SPATA6: variants seen among roughly 807,000 people sequenced by gnomAD.
The protein encoded by SPATA6 is spermatogenesis associated 6, also known as spermatogenesis-associated protein 6.
In SPATA6, 56 loss-of-function variants were observed where a neutral mutation model predicts 65.3. The observed-to-expected ratio is 0.86, with a 90% CI of 0.69 to 1.07. The LOEUF (loss-of-function observed/expected upper bound fraction) is 1.07, where lower values mean the gene tolerates loss of function less well. SPATA6 is among the 50% of genes least tolerant of loss of function. The pLI is 0.00. For synonymous variants in SPATA6, 199 were observed against 213.2 expected (o/e 0.93, Z 0.58); for missense variants, 590 against 594.8 (o/e 0.99, Z 0.08).
chr1:48,277,557 C>A, the SPATA6 span, among the ~76,000 whole-genome samples: 1 of 152,240 alleles, frequency 6.6e-6, no homozygotes. Context: ...GGTCCTACGC[C>A]CACAGAGTCT....
intron 9 of SPATA6, among the ~76,000 whole-genome samples, chr1:48,372,107 A>T (rs752810492): frequency 2.6e-5 from 4 of 152,040 alleles, no homozygotes; most frequent in Non-Finnish European, 4.4e-5. Context: ...AAAACCAATC[A>T]TGCCTTCCCA....
Position 48,398,237 on chromosome 1 carries a change from A to C in SPATA6, c.780+1114T>G, listed in dbSNP as rs535679466. ...CTTCAATAAAATGTTGCCACTTAAA[A>C]GTATCCATTATACTATAAATTTTCT... On this transcript the variant is annotated intron_variant, in intron 7 of 12. Coordinates refer to ENST00000371847, the MANE Select transcript of SPATA6 (RefSeq NM_019073.4). 8.0e-5 allele frequency among the ~76,000 whole-genome samples: 12 copies of C among 150,654 alleles called. No homozygotes were observed. In the East Asian group the frequency reaches 2.4e-3, roughly 30 times the overall value.
chr1:48,402,214 A>G (rs1038455514), intron 6 of SPATA6, among the ~76,000 whole-genome samples: 2 of 152,218 alleles, frequency 1.3e-5, no homozygotes, highest in African/African-American at 4.8e-5. Flanking sequence ...ATGTTAGTTC[A>G]TAAGTACAAT....
At chr1:48,417,507 A>G (rs1652885501) in intron 3 of SPATA6, among the ~76,000 whole-genome samples, 2 of 152,160 alleles carry the variant, frequency 1.3e-5, no homozygotes, top group South Asian at 4.1e-4. Flanking sequence ...CAAACACAAG[A>G]CTATTTTAAA....
chr1:48,452,902 G>A (rs1656700804), intron 2 of SPATA6, 92 bp downstream of exon 2: 4 of 1,398,290 alleles, frequency 2.9e-6, no homozygotes, highest in Non-Finnish European at 3.8e-6. Flanking sequence ...CACACAGTCA[G>A]CAGTAATAAT....
intron 3 of SPATA6, among the ~76,000 whole-genome samples, chr1:48,423,496 G>C (rs142480660): frequency 5.5e-4 from 82 of 150,122 alleles, no homozygotes; most frequent in African/African-American, 1.8e-3. Context: ...GACTATCCTG[G>C]GGAGAGGTAT....
chr1:48,434,627 G>A (rs1654720176), intron 3 of SPATA6, among the ~76,000 whole-genome samples: 1 of 152,130 alleles, frequency 6.6e-6, no homozygotes, highest in South Asian at 2.1e-4. Context: ...ATACACATCT[G>A]GAGGAAGAGC....
intron 1 of SPATA6, among the ~76,000 whole-genome samples, chr1:48,455,989 C>T (rs752714294): frequency 3.9e-5 from 6 of 152,278 alleles, no homozygotes; most frequent in African/African-American, 1.2e-4. Context: ...CTTAAATCAC[C>T]TTGGCAAGCT....
chr1:48,283,697 A>AAAAAAAGAAAG, the SPATA6 span, among the ~76,000 whole-genome samples: 1 of 12,012 alleles, frequency 8.3e-5, no homozygotes, highest in East Asian at 3.0e-3. Flanking sequence ...AAAAAAAAAA[A>AAAAAAAGAAAG]AAAGAAAGAA....
At chr1:48,325,319 AGGGCACAG>A in intron 11 of SPATA6, 1 of 1,222,208 alleles carries the variant, frequency 8.2e-7, no homozygotes, top group Non-Finnish European at 1.2e-6. Flanking sequence ...CACTGTGTGT[AGGGCACAG>A]GCCCCCGTAG....
chr1:48,421,488 C>T (rs1182871163), intron 3 of SPATA6, among the ~76,000 whole-genome samples: 1 of 151,978 alleles, frequency 6.6e-6, no homozygotes, highest in Admixed American at 6.6e-5. Flanking sequence ...GTATTATAAG[C>T]CACATCTTAT....
chr1:48,365,548 T>A (rs1163880428), intron 9 of SPATA6, among the ~76,000 whole-genome samples: 1 of 152,196 alleles, frequency 6.6e-6, no homozygotes, highest in African/African-American at 2.4e-5. Context: ...GGTATTTTAT[T>A]CTCTTTGAAG....
intron 7 of SPATA6, among the ~76,000 whole-genome samples, chr1:48,395,893 T>G (rs1415102027): frequency 6.6e-6 from 1 of 151,792 alleles, no homozygotes; most frequent in African/African-American, 2.4e-5. Context: ...TTTAAAATTT[T>G]CATGCATCAA....
intron 3 of SPATA6, among the ~76,000 whole-genome samples, chr1:48,444,995 A>T (rs567731581): frequency 6.6e-6 from 1 of 152,206 alleles, no homozygotes; most frequent in Non-Finnish European, 1.5e-5. Context: ...TTTTTAATTA[A>T]TAAATTTTTG....
At chr1:48,374,449 C>T (rs1355630537) in intron 9 of SPATA6, among the ~76,000 whole-genome samples, 1 of 152,314 alleles carries the variant, frequency 6.6e-6, no homozygotes, top group Middle Eastern at 3.4e-3. Flanking sequence ...CATTTGCATT[C>T]ATATGGCTTA....
At chr1:48,436,346 C>T in intron 3 of SPATA6, 2 of 1,612,304 alleles carry the variant, frequency 1.2e-6, no homozygotes, top group South Asian at 1.1e-5. Context: ...ACAGTTTTCA[C>T]TGTTGGCAGC....
In SPATA6 at chr1:48,427,278, AT is replaced by A. The variant is rs1653924969; in HGVS notation, c.239-14128del. ...TGAATTAAAATAAACAGGAGAGGAA[AT>A]AATACGACAGATATAATGCCTTAAA... On this transcript the variant is annotated intron_variant, in intron 3 of 12. Coordinates refer to ENST00000371847, the MANE Select transcript of SPATA6 (RefSeq NM_019073.4). Among the ~76,000 whole-genome samples, 3 of 152,284 alleles carry A rather than the reference AT, an allele frequency of 2.0e-5. No individual in the cohort carries two copies. In the South Asian group the frequency reaches 6.2e-4, roughly 32 times the overall value.
At chr1:48,432,292 T>A (rs887158853) in intron 3 of SPATA6, among the ~76,000 whole-genome samples, 2 of 151,888 alleles carry the variant, frequency 1.3e-5, no homozygotes, top group African/African-American at 4.8e-5. Context: ...AATACACAAA[T>A]AGGACTCCAT....
intron 3 of SPATA6, among the ~76,000 whole-genome samples, chr1:48,435,670 T>C (rs1259894811): frequency 6.6e-6 from 1 of 151,996 alleles, no homozygotes; most frequent in Non-Finnish European, 1.5e-5. Flanking sequence ...GGATCGTAAA[T>C]GCACCAATCA....
Sources: allele counts gnomAD v4.1 joint callset (sites outside exome capture counted in the v4.1 genomes callset), GRCh38; gene constraint gnomAD v4.1.1; transcripts MANE v1.5; gene names NCBI Gene and HGNC (gene_info 2026-07-23, HGNC 2026-07-21).